Variants in TMPRSS3 observed in about 807,000 individuals in gnomAD.
The protein encoded by TMPRSS3 is transmembrane protease serine 3.
Under a neutral mutation model 59.6 loss-of-function variants are expected in TMPRSS3, and 55 were observed. That is an observed-to-expected ratio of 0.92 (90% CI 0.74 to 1.16). The LOEUF (loss-of-function observed/expected upper bound fraction) is 1.16. TMPRSS3 is among the 50% of genes most tolerant of loss of function. The pLI, the probability that TMPRSS3 is intolerant of heterozygous loss-of-function variation, is 0.00. For missense variants in TMPRSS3, 596 were observed against 579.4 expected (o/e 1.03, Z -0.29); for synonymous variants, 257 against 237.7 (o/e 1.08, Z -0.75).
chr21:42,375,255 G>C (rs1409631623), intron 12 of TMPRSS3, among the ~76,000 whole-genome samples: 2 of 123,058 alleles, frequency 1.6e-5, no homozygotes, highest in Admixed American at 2.0e-4. Flanking sequence ...CCAATGCAGA[G>C]CTCCCCAAGC....
intron 6 of TMPRSS3, among the ~76,000 whole-genome samples, chr21:42,384,923 G>C (rs1266441399): frequency 6.6e-6 from 1 of 150,986 alleles, no homozygotes; most frequent in East Asian, 1.9e-4. Context: ...TTCCCCATGA[G>C]TTGTTGGGGA....
chr21:42,391,012 G>T (rs1265270244), intron 2 of TMPRSS3, among the ~76,000 whole-genome samples: 2 of 152,156 alleles, frequency 1.3e-5, no homozygotes, highest in Non-Finnish European at 2.9e-5. Context: ...AATTCCTGTT[G>T]TTTTAAGTCA....
chr21:42,387,036 G>A (rs1441272693), intron 5 of TMPRSS3, among the ~76,000 whole-genome samples: 1 of 152,150 alleles, frequency 6.6e-6, no homozygotes, highest in East Asian at 1.9e-4. Context: ...GCATATTAAG[G>A]ATGAGAAGGA....
At chr21:42,375,318 C>T (rs1280210630) in intron 12 of TMPRSS3, among the ~76,000 whole-genome samples, 5 of 151,284 alleles carry the variant, frequency 3.3e-5, no homozygotes, top group Non-Finnish European at 7.4e-5. Flanking sequence ...TCCAGCCCCT[C>T]AGCAGGCAGG....
At chr21:42,390,103 A>G in intron 2 of TMPRSS3, 66 bp from the exon 3 acceptor site, 1 of 1,173,350 alleles carries the variant, frequency 8.5e-7, no homozygotes, top group Non-Finnish European at 1.3e-6. Flanking sequence ...TGAAACTTAC[A>G]AATTTAACTA....
chr21:42,389,782 T>G, intron 3 of TMPRSS3, 145 bp downstream of exon 3: 1 of 707,948 alleles, frequency 1.4e-6, no homozygotes, highest in East Asian at 2.7e-5. Flanking sequence ...CAAATAAAAC[T>G]TCAAGTCAGC....
chr21:42,372,659 A>G lies in TMPRSS3; in HGVS notation c.*103T>C, dbSNP rs748894351. The G allele has an allele frequency of 1.6e-6, 2 of 1,231,032 alleles. No individual in the cohort carries two copies. The highest frequency in any genetic ancestry group is 2.4e-6 in the Non-Finnish European group (2 of 830,776). The allele number at this position is 1,231,032 out of a possible 1,614,324, so 76.3% of individuals were successfully genotyped here. A position where few individuals can be genotyped will look rare whatever the true frequency, so the allele number is the denominator to read the frequency against. ...TACTGGTGCCGGAACTCAGAGCTCC[A>G]AGGGTGTCTGCTCGTGTGCAGGTTC... On this transcript the variant is annotated 3_prime_UTR_variant, in exon 13 of 13. Transcript: ENST00000644384.
Position 42,376,614 on chromosome 21 carries a change from T to A in TMPRSS3, c.1118A>T (p.Asp373Val). Residue 373 changes from aspartate to valine, a missense_variant, in exon 11 of 13, where the codon GAC becomes GTC. Asp to Val is a radical substitution (Grantham distance 152). Coordinates refer to ENST00000644384, the MANE Select transcript of TMPRSS3 (RefSeq NM_001256317.3). ...LISNKICNHR[D>V]VYGGIISPSM... Reference sequence around the variant, plus strand: ...GGGGGAGATGATGCCACCGTACACGTCCCTGTGGTTGCAGATCTTGTTGGA... The same window carrying A: ...GGGGGAGATGATGCCACCGTACACGACCCTGTGGTTGCAGATCTTGTTGGA... 1.9e-6 allele frequency: 3 copies of A among 1,614,010 alleles called. No homozygotes were observed. The highest frequency in any genetic ancestry group is 2.5e-6 in the Non-Finnish European group (3 of 1,180,016).
chr21:42,375,298 C>T (rs1287345099), intron 12 of TMPRSS3, among the ~76,000 whole-genome samples: 1 of 150,088 alleles, frequency 6.7e-6, no homozygotes, highest in Non-Finnish European at 1.5e-5. Context: ...TCCCTGGCTC[C>T]CAGCGAGGTT....
chr21:42,387,757 C>T (rs901557198), intron 5 of TMPRSS3, among the ~76,000 whole-genome samples: 5 of 152,052 alleles, frequency 3.3e-5, no homozygotes, highest in African/African-American at 1.2e-4. Context: ...CTAGGGGAAC[C>T]CGTGGAAGTA....
chr21:42,395,020 C>T (rs907557049), intron 2 of TMPRSS3, among the ~76,000 whole-genome samples: 1 of 152,198 alleles, frequency 6.6e-6, no homozygotes, highest in Non-Finnish European at 1.5e-5. Flanking sequence ...TCAGAGATTT[C>T]CTGGCCAGGA....
Position 42,382,165 on chromosome 21 carries a change from G to T in TMPRSS3, c.852C>A (p.Ser284=). Residue 284 remains serine (S), a synonymous_variant, in exon 9 of 13, where the codon TCC becomes TCA. Transcript: ENST00000644384. Reference sequence around the variant, plus strand: ...GGTAGACAATCTTCTCCACCAAGTGGGATGGGGCTGGATTGTCCAACAGGG... The same window carrying T: ...GGTAGACAATCTTCTCCACCAAGTGTGATGGGGCTGGATTGTCCAACAGGG... ...LVSLLDNPAP[S]HLVEKIVYHS... is the part of the protein sequence containing the mutation. 6.2e-7 allele frequency: 1 copy of T among 1,614,164 alleles called. No homozygotes were observed. Among genetic ancestry groups the T allele is most frequent in the Non-Finnish European group, 8.5e-7 (1 of 1,180,030 alleles).
rs1416189405 is a variant in TMPRSS3 at position 42,375,731 on chromosome 21, G to A, written c.1329C>T (p.Ile443=). The A allele has an allele frequency of 6.2e-7, 1 of 1,613,772 alleles. No individual in the cohort carries two copies. The highest frequency in any genetic ancestry group is 1.3e-5 in the African/African-American group (1 of 75,010). ...CCGCACCCACCTCCATCTGCTCGTG[G>A]ATCCAGTCCAGGAAGGAGGTGACAC... The part of the protein sequence containing the change: ...YTRVTSFLDW[I]HEQMERDLKT Residue 443 remains isoleucine (I), a synonymous_variant, in exon 12 of 13, where the codon ATC becomes ATT. Coordinates refer to ENST00000644384, the MANE Select transcript of TMPRSS3 (RefSeq NM_001256317.3).
intron 10 of TMPRSS3, among the ~76,000 whole-genome samples, chr21:42,377,195 A>G (rs146337561): frequency 6.6e-6 from 1 of 152,374 alleles, no homozygotes; most frequent in East Asian, 1.9e-4. Flanking sequence ...TTGCAGGTGC[A>G]TTGAGGGACA....
At chr21:42,393,644 A>C (rs1360586698) in intron 2 of TMPRSS3, among the ~76,000 whole-genome samples, 1 of 152,252 alleles carries the variant, frequency 6.6e-6, no homozygotes, top group Admixed American at 6.5e-5. Flanking sequence ...TAGGAGGACA[A>C]GATGATATAG....
At position 42,372,572 on chromosome 21, in the gene TMPRSS3, A is replaced by C. The variant is rs1418298530; in HGVS notation, c.*190T>G. 2 of 751,360 alleles carry C rather than the reference A, an allele frequency of 2.7e-6. No individual in the cohort carries two copies. The highest frequency in any genetic ancestry group is 4.9e-6 in the Non-Finnish European group (2 of 410,830). 46.5% of individuals were successfully genotyped at this position (751,360 alleles called of 1,614,324 possible). A position where few individuals can be genotyped will look rare whatever the true frequency, so the allele number is the denominator to read the frequency against. ...GAGACTCCATCTCAAAAAAACAAAA[A>C]ACAAAAAGCAGCTTGAAGGTTGTGC... On this transcript the variant is annotated 3_prime_UTR_variant, in exon 13 of 13. Coordinates refer to ENST00000644384, the MANE Select transcript of TMPRSS3 (RefSeq NM_001256317.3).
intron 6 of TMPRSS3, among the ~76,000 whole-genome samples, chr21:42,384,306 C>G (rs933704052): frequency 2.6e-4 from 39 of 152,156 alleles, no homozygotes; most frequent in African/African-American, 9.2e-4. Flanking sequence ...TATATTCTAT[C>G]AACATGTCAC....
At chr21:42,382,720 C>A (rs2052554693) in intron 8 of TMPRSS3, 1 of 462,858 alleles carries the variant, frequency 2.2e-6, no homozygotes, top group Admixed American at 3.4e-5. Context: ...ACATGGTCCA[C>A]TGGAATTAGC....
At chr21:42,392,077 C>A (rs2052741071) in intron 2 of TMPRSS3, among the ~76,000 whole-genome samples, 1 of 152,166 alleles carries the variant, frequency 6.6e-6, no homozygotes, top group Non-Finnish European at 1.5e-5. Context: ...GGGAGAGAAG[C>A]CTGCCCAGGG....
Sources: gnomAD v4.1 joint callset for allele counts (sites outside exome capture counted in the v4.1 genomes callset) on GRCh38, gnomAD v4.1.1 for gene constraint, MANE v1.5 for transcripts, NCBI Gene and HGNC (gene_info 2026-07-23, HGNC 2026-07-21) for gene names.